Variants in HIBCH observed in about 807,000 individuals in gnomAD.
HIBCH encodes 3-hydroxyisobutyryl-CoA hydrolase, mitochondrial.
Under a neutral mutation model 58.2 loss-of-function variants are expected in HIBCH, and 50 were observed. The observed-to-expected ratio is 0.86, with a 90% CI of 0.68 to 1.09. The LOEUF (loss-of-function observed/expected upper bound fraction) is 1.09. Ranked by LOEUF, HIBCH falls within the 50% of genes least tolerant of loss-of-function variation. The probability of loss-of-function intolerance (pLI) is 0.00; values close to 1 mark genes in which losing one functional copy is unlikely to be tolerated. For synonymous variants in HIBCH, 151 were observed against 146.9 expected (o/e 1.03, Z -0.20); for missense variants, 450 against 449.7 (o/e 1.00, Z -0.01).
chr2:190,299,536 TTGAGTA>T (rs1688203757), intron 2 of HIBCH, among the ~76,000 whole-genome samples: 2 of 152,154 alleles, frequency 1.3e-5, no homozygotes, highest in East Asian at 1.9e-4. Flanking sequence ...TGATATATTC[TTGAGTA>T]TAAGTAAACA....
In HIBCH at chr2:190,212,970, T is replaced by G. The variant is rs1275917760; in HGVS notation, c.997A>C (p.Ser333Arg). The change falls in exon 12 of 14, where the codon AGT becomes CGT. Residue 333 changes from serine (S) to arginine (R), a missense_variant. By Grantham distance (110) the Ser-to-Arg change is moderately radical (BLOSUM62 -1). Coordinates refer to ENST00000359678, the MANE Select transcript of HIBCH (RefSeq NM_014362.4). ...TAAATTCTTACCATACAAGCTTGAC[T>G]TAGCCGATACTCCATAGTTAGTACT... ...QEVLTMEYRL[S>R]QACMRGHDFH... The G allele has an allele frequency of 6.2e-7, 1 of 1,611,482 alleles. No individual in the cohort carries two copies. The highest frequency in any genetic ancestry group is 8.5e-7 in the Non-Finnish European group (1 of 1,178,684).
intron 11 of HIBCH, among the ~76,000 whole-genome samples, chr2:190,225,753 CTCCCTAACTCATTTTATGAGGCCAGCA>C (rs1685873250): frequency 6.6e-6 from 1 of 152,168 alleles, no homozygotes; most frequent in Non-Finnish European, 1.5e-5. Context: ...AGAGGGAATC[CTCCCTAACTCATTTTATGAGGCCAGCA>C]TCATCCTGAT....
chr2:190,262,161 G>GTAA (rs555160781), intron 6 of HIBCH, among the ~76,000 whole-genome samples: 15 of 99,906 alleles, frequency 1.5e-4, no homozygotes, highest in East Asian at 5.3e-4. Context: ...ATGCGGTAGA[G>GTAA]ACAAAAAAAA....
At chr2:190,293,055 T>A (rs1687996692) in intron 4 of HIBCH, among the ~76,000 whole-genome samples, 1 of 152,158 alleles carries the variant, frequency 6.6e-6, no homozygotes, top group South Asian at 2.1e-4. Flanking sequence ...CAAACATCAA[T>A]ATAAAATTAG....
intron 11 of HIBCH, among the ~76,000 whole-genome samples, chr2:190,240,222 TC>T (rs1686410261): frequency 6.6e-6 from 1 of 152,226 alleles, no homozygotes; most frequent in Non-Finnish European, 1.5e-5. Flanking sequence ...CCTGGTTTAG[TC>T]CTGGGAAGGT....
rs200931672 is a variant in HIBCH, at chr2:190,236,355, ACT to A, written c.891+8530_891+8531del. 6.3e-3 allele frequency among the ~76,000 whole-genome samples: 837 copies of A among 133,606 alleles called. 3 individuals are homozygous for A. Among genetic ancestry groups the A allele is most frequent in the African/African-American group, 0.023 (717 of 31,750 alleles). The allele number at this position is 133,606 out of a possible 152,430, so 87.7% of individuals were successfully genotyped here. Reference sequence around the variant, plus strand: ...AACCAAGTGACAAAAGCTCTATTATACTCTGTTAGTTTTTAATTTTTTAAGCT... The same window carrying A: ...AACCAAGTGACAAAAGCTCTATTATACTGTTAGTTTTTAATTTTTTAAGCT... On this transcript the variant is annotated intron_variant, in intron 11 of 13. Transcript: ENST00000359678. This position sits in a 1 kb window ranked among gnomAD's most constrained non-coding sequence, Gnocchi z 4.1.
intron 4 of HIBCH, 134 bp downstream of exon 4, chr2:190,294,412 C>T: frequency 1.5e-6 from 1 of 656,036 alleles, no homozygotes; most frequent in Non-Finnish European, 2.7e-6. Context: ...TTTCTTTTTC[C>T]TAAGAATGTA....
intron 1 of HIBCH, among the ~76,000 whole-genome samples, chr2:190,195,697 C>T (rs1689936364): frequency 6.6e-6 from 1 of 151,936 alleles, no homozygotes; most frequent in African/African-American, 2.4e-5. Context: ...TATTTTCTCC[C>T]AGTCTGTGGC....
intron 7 of HIBCH, among the ~76,000 whole-genome samples, chr2:190,256,459 T>A (rs291409): frequency 4.3e-4 from 63 of 146,974 alleles, no homozygotes; most frequent in African/African-American, 7.6e-4. Context: ...AAAAAAAAAA[T>A]AATAATAATA....
chr2:190,239,647 GTTTTTTT>G (rs60949644), intron 11 of HIBCH, among the ~76,000 whole-genome samples: 1 of 127,548 alleles, frequency 7.8e-6, no homozygotes, highest in African/African-American at 3.0e-5. Context: ...GTGGTTTGTA[GTTTTTTT>G]TTTTTTTTTT....
At chr2:190,242,874 T>C (rs1469384611) in intron 11 of HIBCH, among the ~76,000 whole-genome samples, 1 of 152,246 alleles carries the variant, frequency 6.6e-6, no homozygotes, top group Non-Finnish European at 1.5e-5. Flanking sequence ...ATTTAAGTAC[T>C]GCTAACTTTA....
At chr2:190,317,144 C>T (rs775952183) in intron 1 of HIBCH, among the ~76,000 whole-genome samples, 7 of 152,136 alleles carry the variant, frequency 4.6e-5, no homozygotes, top group Non-Finnish European at 7.4e-5. Flanking sequence ...TTGTCTTGAA[C>T]TCCCATGTTG....
intron 7 of HIBCH, among the ~76,000 whole-genome samples, chr2:190,255,768 T>G (rs1188125133): frequency 2.0e-5 from 3 of 151,974 alleles, no homozygotes; most frequent in African/African-American, 7.3e-5. Context: ...CGGAGAGAGC[T>G]GCAGAGAGAA....
At chr2:190,313,643 C>CAAAAAAAAAAAA in intron 1 of HIBCH, among the ~76,000 whole-genome samples, 1 of 78,888 alleles carries the variant, frequency 1.3e-5, no homozygotes, top group Non-Finnish European at 2.3e-5. Flanking sequence ...CTCTGTCTCA[C>CAAAAAAAAAAAA]AAAAAAAAAA....
intron 11 of HIBCH, among the ~76,000 whole-genome samples, chr2:190,239,270 T>C (rs1686379348): frequency 6.6e-6 from 1 of 152,162 alleles, no homozygotes. Context: ...GATCAGATGG[T>C]TGTAGGTGTG....
rs1320059620 is a variant in HIBCH, at chr2:190,216,854, G to A, written c.892-3779C>T. Among the ~76,000 whole-genome samples, 1 of 152,186 alleles carries A rather than the reference G, an allele frequency of 6.6e-6. No homozygotes were observed. The highest frequency in any genetic ancestry group is 1.5e-5 in the Non-Finnish European group (1 of 68,032). On this transcript the variant is annotated intron_variant, in intron 11 of 13. Coordinates refer to ENST00000359678, the MANE Select transcript of HIBCH (RefSeq NM_014362.4). This position sits in a 1 kb window ranked among gnomAD's most constrained non-coding sequence, Gnocchi z 4.2. ...GGGGAGGATCCCTGCAGCTGAGGAG[G>A]AGGAAAAGCCACTAAGTCCCCTCCC...
downstream of HIBCH, chr2:190,199,883 A>AAACT (rs1690164452): frequency 6.2e-7 from 1 of 1,613,724 alleles, no homozygotes; most frequent in Admixed American, 1.7e-5. Flanking sequence ...AAATCAAAGC[A>AAACT]AACTTTCCCA....
intron 2 of HIBCH, among the ~76,000 whole-genome samples, chr2:190,305,202 T>C (rs1241187817): frequency 1.3e-5 from 2 of 152,160 alleles, no homozygotes; most frequent in Admixed American, 1.3e-4. Flanking sequence ...GGGAATCCTT[T>C]TAAGGAAACG....
rs1424844893 is a variant in HIBCH at position 190,216,040 on chromosome 2, G to C, written c.892-2965C>G. On this transcript the variant is annotated intron_variant, in intron 11 of 13. Transcript: ENST00000359678. The surrounding 1 kb of genome is among the most constrained non-coding windows in gnomAD (Gnocchi z 4.2). Reference sequence around the variant, plus strand: ...AGAAATAAAAGAAGAAAATGAGCAAGAGAGAGACTGGAAAAGACAAAGATC... The same window carrying C: ...AGAAATAAAAGAAGAAAATGAGCAACAGAGAGACTGGAAAAGACAAAGATC... 2 of 152,440 alleles carry C rather than the reference G, an allele frequency of 1.3e-5. No homozygotes were observed. Among genetic ancestry groups the C allele is most frequent in the Non-Finnish European group, 2.9e-5 (2 of 68,230 alleles). The allele number at this position is 152,440 out of a possible 1,614,324, so 9.4% of individuals were successfully genotyped here.
Sources: gnomAD v4.1 joint callset for allele counts (sites outside exome capture counted in the v4.1 genomes callset) on GRCh38, gnomAD v4.1.1 for gene constraint, Gnocchi (gnomAD v3.1) non-coding constraint, MANE v1.5 for transcripts, NCBI Gene and HGNC (gene_info 2026-07-23, HGNC 2026-07-21) for gene names.